Variants in CNTN5 observed in about 807,000 individuals in gnomAD.
The protein encoded by CNTN5 is contactin-5.
In CNTN5, 77 loss-of-function variants were observed where a neutral mutation model predicts 129.1. That is an observed-to-expected ratio of 0.60 (90% CI 0.50 to 0.72). CNTN5 has a LOEUF of 0.72. Among genes scored for constraint, CNTN5 ranks in the 30% least tolerant of loss-of-function variants. The probability of loss-of-function intolerance (pLI) is 0.00; values close to 1 mark genes in which losing one functional copy is unlikely to be tolerated. For missense variants in CNTN5, 1,478 were observed against 1,328.8 expected (o/e 1.11, Z -1.75); for synonymous variants, 509 against 465.6 (o/e 1.09, Z -1.20).
At chr11:100,165,442 T>C (rs909336133) in intron 13 of CNTN5, among the ~76,000 whole-genome samples, 1 of 93,954 alleles carries the variant, frequency 1.1e-5, no homozygotes, top group Non-Finnish European at 1.9e-5. Context: ...AATAAGATAA[T>C]GTATTGAAAA....
At chr11:99,930,726 C>G (rs1565689288) in intron 7 of CNTN5, among the ~76,000 whole-genome samples, 1 of 151,826 alleles carries the variant, frequency 6.6e-6, no homozygotes, top group Admixed American at 6.6e-5. Context: ...AAATTGTTGT[C>G]TGAATTAAAC....
chr11:99,829,162 A>C (rs1284917224), intron 4 of CNTN5, among the ~76,000 whole-genome samples: 1 of 152,194 alleles, frequency 6.6e-6, no homozygotes, highest in Admixed American at 6.5e-5. Context: ...GAAGCATCAA[A>C]ATTTTTAGTG....
chr11:100,074,389 C>T (rs910388569), intron 13 of CNTN5, 95 bp downstream of exon 13: 21 of 1,046,490 alleles, frequency 2.0e-5, no homozygotes, highest in East Asian at 7.8e-5. Flanking sequence ...CTTGCAGTAC[C>T]GTGAGACGTA....
At chr11:99,754,930 C>T (rs1457403246) in intron 3 of CNTN5, among the ~76,000 whole-genome samples, 1 of 152,114 alleles carries the variant, frequency 6.6e-6, no homozygotes, top group East Asian at 1.9e-4. Context: ...TTCCCCTCTG[C>T]CCCCAAGCCC....
intron 1 of CNTN5, among the ~76,000 whole-genome samples, chr11:99,207,349 C>T (rs1859535683): frequency 6.6e-6 from 1 of 152,096 alleles, no homozygotes; most frequent in Admixed American, 6.6e-5. Flanking sequence ...GTGAATTAAT[C>T]CTCAGAGGAG....
intron 3 of CNTN5, among the ~76,000 whole-genome samples, chr11:99,781,694 C>A (rs921404314): frequency 1.3e-5 from 2 of 152,102 alleles, no homozygotes; most frequent in East Asian, 1.9e-4. Context: ...ATACTTTAAG[C>A]ATTCAAGAAC....
At chr11:99,570,132 T>A (rs1171245477) in intron 3 of CNTN5, among the ~76,000 whole-genome samples, 16 of 139,032 alleles carry the variant, frequency 1.2e-4, no homozygotes, top group South Asian at 2.3e-4. Flanking sequence ...AAGGTTACTT[T>A]AAAAAAAAAA....
At chr11:99,477,238 ACT>A (rs984593410) in intron 2 of CNTN5, among the ~76,000 whole-genome samples, 1 of 151,832 alleles carries the variant, frequency 6.6e-6, no homozygotes, top group Non-Finnish European at 1.5e-5. Flanking sequence ...CACAATTGAG[ACT>A]CTTTTAAAAA....
rs561647969 is a variant in CNTN5 at position 99,727,071 on chromosome 11, C to A, written c.56-92473C>A. On this transcript the variant is annotated intron_variant, in intron 3 of 24. Transcript: ENST00000524871. ...CCTGTAATCCCAGCACTTTGGGAGG[C>A]CGAGGCTGGTGGATCATGAGGTCAG... 3.2e-3 allele frequency among the ~76,000 whole-genome samples: 479 copies of A among 151,298 alleles called. 3 individuals carry two copies. Among genetic ancestry groups the A allele is most frequent in the African/African-American group, 0.01 (428 of 41,234 alleles).
intron 8 of CNTN5, among the ~76,000 whole-genome samples, chr11:99,969,708 C>T (rs1382180210): frequency 6.6e-6 from 1 of 152,002 alleles, no homozygotes; most frequent in African/African-American, 2.4e-5. Flanking sequence ...GTTTGTTCTC[C>T]CAAACTCTTT....
chr11:99,198,458 A>G (rs191621262), intron 1 of CNTN5, among the ~76,000 whole-genome samples: 238 of 152,260 alleles, frequency 1.6e-3, no homozygotes, highest in African/African-American at 5.6e-3. Context: ...AAATGAGAAG[A>G]TTAGAATTAT....
At chr11:99,320,274 T>C (rs1002106190) in intron 1 of CNTN5, among the ~76,000 whole-genome samples, 4 of 152,084 alleles carry the variant, frequency 2.6e-5, no homozygotes, top group African/African-American at 9.7e-5. Flanking sequence ...CTTTAGGATA[T>C]ATGGTTTATA....
intron 3 of CNTN5, among the ~76,000 whole-genome samples, chr11:99,687,031 T>C (rs1226703056): frequency 2.0e-5 from 3 of 152,152 alleles, no homozygotes; most frequent in Non-Finnish European, 4.4e-5. Flanking sequence ...TCAGGAGATG[T>C]AGATATACTG....
intron 1 of CNTN5, among the ~76,000 whole-genome samples, chr11:99,218,638 G>A (rs1442553933): frequency 9.9e-5 from 15 of 152,040 alleles, no homozygotes. Context: ...TTATGTATTT[G>A]GGTTTTGGGA....
At chr11:99,296,055 C>G (rs577688555) in intron 1 of CNTN5, among the ~76,000 whole-genome samples, 2 of 152,152 alleles carry the variant, frequency 1.3e-5, no homozygotes, top group African/African-American at 2.4e-5. Flanking sequence ...CCTATAAGTG[C>G]ACTTAATAGG....
Position 100,344,291 on chromosome 11 carries a change from T to C in CNTN5, c.3030+3086T>C, listed in dbSNP as rs544744522. On this transcript the variant is annotated intron_variant, in intron 23 of 24. Transcript: ENST00000524871. The stretch of plus-strand genomic sequence containing the variant: ...GAAAAGTATTTATCTGGGAGACTTC[T>C]AGGTTGTGAAAGTTATTGAAACATA... 3.9e-5 allele frequency among the ~76,000 whole-genome samples: 6 copies of C among 152,298 alleles called. No individual in the cohort carries two copies. The East Asian group carries it at 1.2e-3, about 29-fold the overall frequency.
At chr11:99,195,197 T>TA (rs1858841376) in intron 1 of CNTN5, among the ~76,000 whole-genome samples, 1 of 152,186 alleles carries the variant, frequency 6.6e-6, no homozygotes, top group Non-Finnish European at 1.5e-5. Flanking sequence ...CCTTATATTT[T>TA]AGCAGGTAAA....
chr11:100,299,548 C>CT (rs1328139952), intron 20 of CNTN5, among the ~76,000 whole-genome samples, 152 bp downstream of exon 20: 1 of 151,324 alleles, frequency 6.6e-6, no homozygotes, highest in Non-Finnish European at 1.5e-5. Flanking sequence ...ATTTCCCAAA[C>CT]TTTTTTTAAT....
chr11:99,788,048 A>G (rs142611932), intron 3 of CNTN5, among the ~76,000 whole-genome samples: 1 of 151,810 alleles, frequency 6.6e-6, no homozygotes, highest in African/African-American at 2.4e-5. Context: ...TGTTCTTGGC[A>G]CCCCTCACAT....
Sources: gnomAD v4.1 joint callset for allele counts (sites outside exome capture counted in the v4.1 genomes callset) on GRCh38, gnomAD v4.1.1 for gene constraint, MANE v1.5 for transcripts, NCBI Gene and HGNC (gene_info 2026-07-23, HGNC 2026-07-21) for gene names.